The following CD44 variants were observed in gnomAD, a reference collection of about 807,000 sequenced individuals.
CD44 encodes CD44 molecule (IN blood group).
In CD44, 49 loss-of-function variants were observed where a neutral mutation model predicts 88.8. The observed-to-expected ratio is 0.55, with a 90% CI of 0.44 to 0.70. The LOEUF is 0.70. CD44 is among the 30% of genes least tolerant of loss of function. The pLI is 0.00. For missense variants in CD44, 883 were observed against 913.8 expected (o/e 0.97, Z 0.43); for synonymous variants, 325 against 312.3 (o/e 1.04, Z -0.43).
intron 4 of CD44, among the ~76,000 whole-genome samples, chr11:35,187,540 A>G (rs994419174): frequency 3.3e-5 from 5 of 152,218 alleles, no homozygotes; most frequent in African/African-American, 1.2e-4. Flanking sequence ...ATTTTTAAAA[A>G]GAAATTGCAC....
chr11:35,141,164 G>A (rs1857839451), intron 1 of CD44, among the ~76,000 whole-genome samples: 1 of 152,154 alleles, frequency 6.6e-6, no homozygotes, highest in South Asian at 2.1e-4. Context: ...AGGCCTGTTT[G>A]ACAGGAGGAA....
At chr11:35,193,051 T>C (rs1320233655) in intron 5 of CD44, among the ~76,000 whole-genome samples, 1 of 152,128 alleles carries the variant, frequency 6.6e-6, no homozygotes, top group African/African-American at 2.4e-5. Context: ...GTGGTGTCTG[T>C]GGATTTTCCC....
chr11:35,140,011 G>C (rs1564985325), intron 1 of CD44, among the ~76,000 whole-genome samples: 1 of 152,224 alleles, frequency 6.6e-6, no homozygotes, highest in Non-Finnish European at 1.5e-5. Context: ...TGAGATTCCA[G>C]CCTGGGATAG....
At chr11:35,181,504 T>C (rs1019449359) in intron 3 of CD44, among the ~76,000 whole-genome samples, 2 of 151,336 alleles carry the variant, frequency 1.3e-5, no homozygotes, top group African/African-American at 4.9e-5. Context: ...TCTGTTCCCA[T>C]GGAAGGTTTG....
rs566108287 is a variant in CD44, at chr11:35,146,547, G to C, written c.67+7177G>C. Among the ~76,000 whole-genome samples the C allele has an allele frequency of 7.9e-5, 12 of 152,278 alleles. No homozygotes were observed. In the East Asian group the frequency reaches 1.7e-3, roughly 22 times the overall value. On this transcript the variant is annotated intron_variant, in intron 1 of 17. Transcript: ENST00000428726. Reference sequence around the variant, plus strand: ...CTAATTGTTTCCTATATACTGCCTTGTTTAATCCAAACACTGACTTCATGA... The same window carrying C: ...CTAATTGTTTCCTATATACTGCCTTCTTTAATCCAAACACTGACTTCATGA...
chr11:35,219,154 G>A (rs1051691282), intron 15 of CD44, 162 bp from the exon 16 acceptor site: 12 of 615,356 alleles, frequency 2.0e-5, no homozygotes, highest in South Asian at 1.1e-4. Flanking sequence ...TGAGGTGGGG[G>A]GGAAATCTTT....
Position 35,200,278 on chromosome 11 carries a change from T to G in CD44, c.923-804T>G, listed in dbSNP as rs77918001. Reference sequence around the variant, plus strand: ...ATAACCTTTCACAAAACATGTTGACTCAGATTTTGTCATGATCCTTCTGTT... The same window carrying G: ...ATAACCTTTCACAAAACATGTTGACGCAGATTTTGTCATGATCCTTCTGTT... On this transcript the variant is annotated intron_variant, in intron 7 of 17. Coordinates refer to ENST00000428726, the MANE Select transcript of CD44 (RefSeq NM_000610.4). Among the ~76,000 whole-genome samples, 1,419 of 152,316 alleles carry G rather than the reference T, an allele frequency of 9.3e-3. 26 individuals carry two copies. Among genetic ancestry groups the G allele is most frequent in the African/African-American group, 0.032 (1,321 of 41,556 alleles).
chr11:35,201,809 A>C (rs755321291), intron 9 of CD44, 22 bp downstream of exon 9: 23 of 1,612,400 alleles, frequency 1.4e-5, no homozygotes, highest in Non-Finnish European at 1.5e-5. Context: ...GGCGGTCGGC[A>C]GTTCTGGGTT....
At chr11:35,163,097 T>A (rs1942837018) in intron 1 of CD44, among the ~76,000 whole-genome samples, 1 of 152,168 alleles carries the variant, frequency 6.6e-6, no homozygotes. Flanking sequence ...TGCAGCTGCA[T>A]CACTTCATTG....
At chr11:35,181,981 TTATATATAAATTTATATTTATATATATG>T (rs1468912254) in intron 3 of CD44, among the ~76,000 whole-genome samples, 1 of 112,112 alleles carries the variant, frequency 8.9e-6, no homozygotes, top group Non-Finnish European at 1.7e-5. Flanking sequence ...ATATTATATA[TTATATATAAATTTATATTTATATATATG>T]TATATATGTA....
rs116644533 is a variant in CD44, at chr11:35,189,219, C to T, written c.437-616C>T. On this transcript the variant is annotated intron_variant, in intron 4 of 17. Coordinates refer to ENST00000428726, the MANE Select transcript of CD44 (RefSeq NM_000610.4). ...TTTCCAGGTTGAATTTCACAGAGAACGGCAAATGCTCTTCTGTATTTAGAC... is the reference window on the plus strand; with the variant it reads ...TTTCCAGGTTGAATTTCACAGAGAATGGCAAATGCTCTTCTGTATTTAGAC... Among the ~76,000 whole-genome samples the T allele has an allele frequency of 5.1e-3, 781 of 152,292 alleles. 6 individuals are homozygous for T. The highest frequency in any genetic ancestry group is 0.018 in the African/African-American group (733 of 41,558).
intron 1 of CD44, among the ~76,000 whole-genome samples, chr11:35,154,804 C>T (rs1941634896): frequency 6.6e-6 from 1 of 152,050 alleles, no homozygotes; most frequent in Non-Finnish European, 1.5e-5. Context: ...CTGTACATAC[C>T]AGCTGAATAT....
chr11:35,158,256 G>A lies in CD44; in HGVS notation c.68-18319G>A, dbSNP rs531969385. Among the ~76,000 whole-genome samples, 12 of 152,260 alleles carry A rather than the reference G, an allele frequency of 7.9e-5. No individual in the cohort carries two copies. In the South Asian group the frequency reaches 8.3e-4, roughly 11 times the overall value. ...GCTTTCCTATCTTCTTCCAAAGGCC[G>A]GAATTGAGAAGGTTTACTCCAGCCC... On this transcript the variant is annotated intron_variant, in intron 1 of 17. Coordinates refer to ENST00000428726, the MANE Select transcript of CD44 (RefSeq NM_000610.4).
rs763065793 is a variant in CD44, at chr11:35,204,538, G to A, written c.1180G>A (p.Glu394Lys). The A allele has an allele frequency of 5.0e-6, 8 of 1,613,450 alleles. No individual in the cohort carries two copies. The highest frequency in any genetic ancestry group is 5.1e-6 in the Non-Finnish European group (6 of 1,179,496). Reference sequence around the variant, plus strand: ...CCAGGCAACTCCTAGTAGTACAACGGAAGAAACAGCTACCCAGAAGGAACA... The same window carrying A: ...CCAGGCAACTCCTAGTAGTACAACGAAAGAAACAGCTACCCAGAAGGAACA... ...TIQATPSSTT[E>K]ETATQKEQWF... is the part of the protein sequence containing the mutation. Residue 394 changes from glutamate to lysine, a missense_variant, in exon 10 of 18, where the codon GAA (glutamate) becomes AAA (lysine). By Grantham distance (56) the Glu-to-Lys change is moderately conservative (BLOSUM62 1). Around this residue, in one of 2 missense-constraint regions of CD44, gnomAD observed 631 missense variants for 590.9 expected, o/e 1.07. Transcript: ENST00000428726.
intron 5 of CD44, among the ~76,000 whole-genome samples, chr11:35,192,216 G>T (rs934286941): frequency 6.6e-6 from 1 of 152,168 alleles, no homozygotes; most frequent in Non-Finnish European, 1.5e-5. Context: ...TGAGTCCAGG[G>T]CTAACCTGAG....
intron 1 of CD44, among the ~76,000 whole-genome samples, chr11:35,160,038 C>T (rs1942404602): frequency 6.6e-6 from 1 of 152,192 alleles, no homozygotes. Context: ...CCTCACTCTC[C>T]CCAGGGGCAA....
chr11:35,207,526 A>T (rs965584940), intron 11 of CD44, among the ~76,000 whole-genome samples: 2 of 152,208 alleles, frequency 1.3e-5, no homozygotes, highest in Admixed American at 1.3e-4. Flanking sequence ...GACCGCTTAT[A>T]CTTGGGTTTT....
At chr11:35,219,014 G>C (rs1159596160) in intron 15 of CD44, 1 of 343,990 alleles carries the variant, frequency 2.9e-6, no homozygotes, top group African/African-American at 2.0e-5. Context: ...GCAAGGGACA[G>C]CGGTGAGACT....
rs1470347119 is a variant in CD44 at position 35,219,350 on chromosome 11, C to T, written c.1908C>T (p.Asn636=). The part of the protein sequence containing the change: ...HSHGSQEGGA[N]TTSGPIRTPQ... ...ATGGGAGTCAAGAAGGTGGAGCAAACACAACCTCTGGTCCTATAAGGACAC... is the reference window on the plus strand; with the variant it reads ...ATGGGAGTCAAGAAGGTGGAGCAAATACAACCTCTGGTCCTATAAGGACAC... Residue 636 remains asparagine, a synonymous_variant, in exon 16 of 18, where the codon AAC becomes AAT. Transcript: ENST00000428726. The T allele has an allele frequency of 1.7e-5, 28 of 1,613,712 alleles. No individual in the cohort carries two copies. The highest frequency in any genetic ancestry group is 2.4e-5 in the Non-Finnish European group (28 of 1,179,858).
Sources: allele counts gnomAD v4.1 joint callset (sites outside exome capture counted in the v4.1 genomes callset), GRCh38; gene constraint gnomAD v4.1.1; regional missense constraint gnomAD v4.1.1; transcripts MANE v1.5; gene names NCBI Gene and HGNC (gene_info 2026-07-23, HGNC 2026-07-21).